Variants in CNTNAP5 observed in about 807,000 individuals in gnomAD.
CNTNAP5 encodes contactin-associated protein-like 5.
CNTNAP5 carries 72 observed loss-of-function variants against 150.2 expected under a neutral mutation model. The ratio of observed to expected loss-of-function variants is 0.48; its 90% CI spans 0.40 to 0.58. The LOEUF (loss-of-function observed/expected upper bound fraction) is 0.58, where lower values mean the gene tolerates loss of function less well. CNTNAP5 is among the 20% of genes least tolerant of loss of function. The pLI is 0.00. For missense variants in CNTNAP5, 1,636 were observed against 1,626.2 expected (o/e 1.01, Z -0.10); for synonymous variants, 672 against 619.8 (o/e 1.08, Z -1.25).
At chr2:124,486,483 A>T (rs913107497) in intron 7 of CNTNAP5, among the ~76,000 whole-genome samples, 4 of 152,234 alleles carry the variant, frequency 2.6e-5, no homozygotes, top group Non-Finnish European at 2.9e-5. Context: ...AACAAAATGC[A>T]GGGCAAAGAA....
intron 3 of CNTNAP5, among the ~76,000 whole-genome samples, chr2:124,364,441 A>G (rs1690312123): frequency 1.3e-5 from 2 of 152,006 alleles, no homozygotes; most frequent in African/African-American, 4.8e-5. Flanking sequence ...TTTTTTCCAC[A>G]TCACCCAAAC....
chr2:124,381,085 A>T (rs1170462967), intron 3 of CNTNAP5, among the ~76,000 whole-genome samples: 1 of 152,156 alleles, frequency 6.6e-6, no homozygotes, highest in Non-Finnish European at 1.5e-5. Context: ...CTCAGAAGGA[A>T]AAAGAAGTGC....
intron 1 of CNTNAP5, among the ~76,000 whole-genome samples, chr2:124,169,804 G>C (rs1345204338): frequency 6.6e-6 from 1 of 152,190 alleles, no homozygotes; most frequent in East Asian, 1.9e-4. Flanking sequence ...GCAGTGTGAA[G>C]GCAGTAGCCC....
chr2:124,752,421 A>T (rs1255036675), intron 14 of CNTNAP5, among the ~76,000 whole-genome samples: 1 of 152,098 alleles, frequency 6.6e-6, no homozygotes, highest in African/African-American at 2.4e-5. Context: ...GTAAATGAAG[A>T]TAATGAGTGC....
intron 3 of CNTNAP5, among the ~76,000 whole-genome samples, chr2:124,299,048 G>T (rs1338942804): frequency 1.3e-5 from 2 of 152,186 alleles, no homozygotes; most frequent in East Asian, 1.9e-4. Flanking sequence ...GAAGAAAAAT[G>T]GAATTTATTG....
intron 1 of CNTNAP5, among the ~76,000 whole-genome samples, chr2:124,064,172 C>T (rs1239725291): frequency 6.6e-6 from 1 of 152,110 alleles, no homozygotes; most frequent in Non-Finnish European, 1.5e-5. Flanking sequence ...TATCTGAGAT[C>T]AAATCCCCCT....
chr2:124,634,755 A>G (rs1573512089), intron 12 of CNTNAP5, among the ~76,000 whole-genome samples: 1 of 152,048 alleles, frequency 6.6e-6, no homozygotes, highest in East Asian at 1.9e-4. Context: ...TCATCCACCT[A>G]TGCTTCCCAA....
At chr2:124,297,368 T>G (rs181213706) in intron 3 of CNTNAP5, among the ~76,000 whole-genome samples, 88 of 152,316 alleles carry the variant, frequency 5.8e-4, no homozygotes, top group African/African-American at 2.1e-3. Context: ...AAATAATCTT[T>G]CTGGGAAAAT....
At chr2:124,722,584 G>C (rs1273997107) in intron 13 of CNTNAP5, among the ~76,000 whole-genome samples, 1 of 152,106 alleles carries the variant, frequency 6.6e-6, no homozygotes, top group African/African-American at 2.4e-5. Flanking sequence ...AGGTATGGTG[G>C]CCTTATATTC....
intron 2 of CNTNAP5, among the ~76,000 whole-genome samples, chr2:124,229,438 AT>A (rs1385011481): frequency 6.6e-6 from 1 of 152,108 alleles, no homozygotes; most frequent in Non-Finnish European, 1.5e-5. Context: ...GCCAAATAGA[AT>A]TTTTGTTCTC....
intron 12 of CNTNAP5, among the ~76,000 whole-genome samples, chr2:124,611,988 T>C (rs1452008719): frequency 6.6e-6 from 1 of 152,224 alleles, no homozygotes; most frequent in African/African-American, 2.4e-5. Context: ...TCAAGGTAAA[T>C]TCTGTGACTA....
At chr2:124,754,468 T>C (rs1680795390) in intron 14 of CNTNAP5, among the ~76,000 whole-genome samples, 1 of 152,086 alleles carries the variant, frequency 6.6e-6, no homozygotes, top group Admixed American at 6.6e-5. Flanking sequence ...GCCTCTTGTG[T>C]TGGAGAGGAG....
chr2:124,638,853 A>G (rs1678028053), intron 12 of CNTNAP5, among the ~76,000 whole-genome samples: 1 of 152,204 alleles, frequency 6.6e-6, no homozygotes, highest in Non-Finnish European at 1.5e-5. Context: ...CAGAGATCTT[A>G]TGTATTATTT....
chr2:124,527,384 T>G lies in CNTNAP5; in HGVS notation c.1577T>G (p.Leu526Arg). The change falls in exon 10 of 24, where the codon CTC becomes CGC. Residue 526 changes from leucine (L) to arginine (R), a missense_variant. By Grantham distance (102) the Leu-to-Arg change is moderately radical. Transcript: ENST00000682447. ...TTTATTGATAACCAGCCCAAGGACC[T>G]CATTTCAGTTCAGCAAGGTTCCCTG... ...LIFIDNQPKD[L>R]ISVQQGSLGN... 6.2e-7 allele frequency: 1 copy of G among 1,613,636 alleles called. No individual in the cohort carries two copies.
At chr2:124,318,966 C>T (rs72964644) in intron 3 of CNTNAP5, among the ~76,000 whole-genome samples, 1,575 of 152,252 alleles carry the variant, frequency 0.01, 21 homozygotes, top group African/African-American at 0.036. Flanking sequence ...ACTGGTAACT[C>T]CCCTCTTTTG....
chr2:124,199,588 T>C (rs1685670660), intron 1 of CNTNAP5, among the ~76,000 whole-genome samples: 1 of 151,914 alleles, frequency 6.6e-6, no homozygotes, highest in Non-Finnish European at 1.5e-5. Flanking sequence ...GCTAATTTTT[T>C]ATTTGTAGTA....
chr2:124,388,200 G>T (rs1007713505), intron 3 of CNTNAP5, among the ~76,000 whole-genome samples: 15 of 152,150 alleles, frequency 9.9e-5, no homozygotes, highest in African/African-American at 3.4e-4. Flanking sequence ...ATGTCTCAGG[G>T]GCAGGACTCC....
chr2:124,259,865 G>A (rs1038203261), intron 3 of CNTNAP5, among the ~76,000 whole-genome samples: 1 of 152,172 alleles, frequency 6.6e-6, no homozygotes, highest in African/African-American at 2.4e-5. Context: ...TGAAATAAAA[G>A]AAGATACAAA....
At chr2:124,121,525 C>T (rs1333201748) in intron 1 of CNTNAP5, among the ~76,000 whole-genome samples, 1 of 152,176 alleles carries the variant, frequency 6.6e-6, no homozygotes, top group Non-Finnish European at 1.5e-5. Flanking sequence ...GCACAGTCAA[C>T]ACAATTATTG....
Sources: gnomAD v4.1 joint callset for allele counts (sites outside exome capture counted in the v4.1 genomes callset) on GRCh38, gnomAD v4.1.1 for gene constraint, MANE v1.5 for transcripts, NCBI Gene and HGNC (gene_info 2026-07-23, HGNC 2026-07-21) for gene names.